The following TANC2 variants were observed in gnomAD, a reference collection of about 807,000 sequenced individuals.
TANC2 encodes protein TANC2.
A neutral mutation model predicts 210.5 loss-of-function variants in TANC2; 26 were observed. The observed-to-expected ratio is 0.12, with a 90% CI of 0.09 to 0.17. TANC2 has a LOEUF of 0.17. TANC2 is among the 10% of genes least tolerant of loss of function. The pLI is 1.00. For synonymous variants in TANC2, 931 were observed against 967.1 expected (o/e 0.96, Z 0.69); for missense variants, 2,129 against 2,608.9 (o/e 0.82, Z 4.01).
intron 13 of TANC2, among the ~76,000 whole-genome samples, chr17:63,354,283 G>T (rs1389780513): frequency 6.6e-6 from 1 of 152,184 alleles, no homozygotes; most frequent in Admixed American, 6.5e-5. Flanking sequence ...GGTATCTCCA[G>T]AAGGCCCGCA....
chr17:63,363,606 T>C (rs2047025883), intron 14 of TANC2, among the ~76,000 whole-genome samples: 4 of 152,258 alleles, frequency 2.6e-5, no homozygotes, highest in Admixed American at 2.0e-4. Flanking sequence ...GCACCATTTA[T>C]TGAAGAGACT....
chr17:63,402,339 A>G (rs2048368586), intron 19 of TANC2, among the ~76,000 whole-genome samples: 1 of 152,224 alleles, frequency 6.6e-6, no homozygotes, highest in Non-Finnish European at 1.5e-5. Context: ...TCCATTGTGC[A>G]TATCACACTA....
chr17:63,220,859 T>A (rs2042168057), intron 7 of TANC2, among the ~76,000 whole-genome samples: 1 of 150,738 alleles, frequency 6.6e-6, no homozygotes, highest in Non-Finnish European at 1.5e-5. Context: ...CGTATATACG[T>A]ATATATGTAC....
At chr17:63,158,799 G>C (rs910168668) in intron 5 of TANC2, among the ~76,000 whole-genome samples, 1 of 152,196 alleles carries the variant, frequency 6.6e-6, no homozygotes, top group Non-Finnish European at 1.5e-5. Flanking sequence ...CAGCATAGCA[G>C]GGTTCTGTGG....
intron 7 of TANC2, among the ~76,000 whole-genome samples, chr17:63,220,212 TTGA>T (rs2042132621): frequency 6.6e-6 from 1 of 151,862 alleles, no homozygotes; most frequent in Non-Finnish European, 1.5e-5. Flanking sequence ...GGAGAATCGC[TTGA>T]ACCCAGGAGG....
At position 63,379,705 on chromosome 17, in the gene TANC2, T is replaced by C; in HGVS notation, c.2583-13T>C. ...AAATTAATTAATTAAAATGAATTTC[T>C]CTTTTTTTGCAGGAGTGGTCACACG... On this transcript the variant is annotated splice_polypyrimidine_tract_variant and intron_variant, in intron 14 of 27. Coordinates refer to ENST00000689528, the Ensembl canonical transcript of TANC2. The C allele has an allele frequency of 1.3e-6, 2 of 1,566,152 alleles. No individual in the cohort carries two copies. The highest frequency in any genetic ancestry group is 1.7e-6 in the Non-Finnish European group (2 of 1,156,158).
chr17:63,372,811 A>C (rs1344630764), intron 14 of TANC2, among the ~76,000 whole-genome samples: 1 of 151,664 alleles, frequency 6.6e-6, no homozygotes, highest in Non-Finnish European at 1.5e-5. Context: ...TGTGAAAATA[A>C]TTCTCTTCTG....
In TANC2 at chr17:63,296,842, G is replaced by A. The variant is rs1212968899; in HGVS notation, c.1160-17546G>A. On this transcript the variant is annotated intron_variant, in intron 9 of 27. Coordinates refer to ENST00000689528, the Ensembl canonical transcript of TANC2. ...CAGAAGCAGAAGAAATAGTGAACTC[G>A]AAGATAAACAGTTGGAATTATTCAG... is the stretch of plus-strand genomic sequence containing the variant. 3.9e-5 allele frequency among the ~76,000 whole-genome samples: 6 copies of A among 152,126 alleles called. No individual in the cohort carries two copies. In the East Asian group the frequency reaches 9.6e-4, roughly 24 times the overall value.
At chr17:63,121,473 CTT>C (rs199556097) in intron 4 of TANC2, among the ~76,000 whole-genome samples, 1,907 of 152,134 alleles carry the variant, frequency 0.013, 19 homozygotes, top group Non-Finnish European at 0.02. Context: ...GATTTTTGGA[CTT>C]TTCTTTGGGA....
intron 1 of TANC2, among the ~76,000 whole-genome samples, chr17:62,972,759 C>G (rs1253921294): frequency 6.6e-6 from 1 of 152,212 alleles, no homozygotes; most frequent in Non-Finnish European, 1.5e-5. Context: ...CCTGCCACTT[C>G]TGTCTTCAAA....
At chr17:63,102,635 C>T (rs1173190912) in intron 4 of TANC2, among the ~76,000 whole-genome samples, 1 of 151,404 alleles carries the variant, frequency 6.6e-6, no homozygotes, top group Non-Finnish European at 1.5e-5. Flanking sequence ...TCCCTCCCCC[C>T]ACCTCTGGAC....
intron 7 of TANC2, among the ~76,000 whole-genome samples, chr17:63,211,585 C>G (rs1290982845): frequency 1.3e-5 from 2 of 152,154 alleles, no homozygotes; most frequent in Non-Finnish European, 2.9e-5. Flanking sequence ...CTCTGCACTT[C>G]CAACTGCTAT....
intron 2 of TANC2, among the ~76,000 whole-genome samples, chr17:63,027,647 T>C (rs929093386): frequency 2.6e-5 from 4 of 152,172 alleles, no homozygotes; most frequent in Admixed American, 1.3e-4. Context: ...TTTTGAGATA[T>C]ATGGGAATTT....
chr17:63,426,689 C>G (rs2049153060), exon 28 of TANC2: 1 of 152,206 alleles, frequency 6.6e-6, no homozygotes, highest in Admixed American at 6.5e-5. Context: ...CCTGCTGACT[C>G]TGATACCGAC....
chr17:63,419,064 T>A (rs535599221), intron 27 of TANC2, among the ~76,000 whole-genome samples: 15 of 152,310 alleles, frequency 9.8e-5, no homozygotes, highest in African/African-American at 3.6e-4. Flanking sequence ...GAACCTGCCA[T>A]CAGTGATCTT....
chr17:63,321,483 G>A (rs1402362318), intron 11 of TANC2, among the ~76,000 whole-genome samples: 1 of 152,164 alleles, frequency 6.6e-6, no homozygotes, highest in Admixed American at 6.5e-5. Context: ...TTAGAAGCTT[G>A]TGTGTGTAGA....
chr17:63,132,936 A>G (rs909243284), intron 4 of TANC2, among the ~76,000 whole-genome samples: 2 of 152,158 alleles, frequency 1.3e-5, no homozygotes, highest in Non-Finnish European at 2.9e-5. Flanking sequence ...CAGTACTGGC[A>G]CAATGTTCAC....
chr17:63,365,330 T>C (rs536761011), intron 14 of TANC2, among the ~76,000 whole-genome samples: 2 of 152,282 alleles, frequency 1.3e-5, no homozygotes, highest in African/African-American at 2.4e-5. Flanking sequence ...CGTCCACATA[T>C]CCAGTTGGTT....
chr17:63,238,581 T>C (rs1342590025), intron 8 of TANC2, among the ~76,000 whole-genome samples: 1 of 152,184 alleles, frequency 6.6e-6, no homozygotes, highest in Non-Finnish European at 1.5e-5. Context: ...ATATCCTGGC[T>C]ATCATTTCAT....
Sources: allele counts gnomAD v4.1 joint callset (sites outside exome capture counted in the v4.1 genomes callset), GRCh38; gene constraint gnomAD v4.1.1; transcripts MANE v1.5; gene names NCBI Gene and HGNC (gene_info 2026-07-23, HGNC 2026-07-21).